KMT2C: variants seen among roughly 807,000 people sequenced by gnomAD.
KMT2C encodes histone-lysine N-methyltransferase 2C.
In KMT2C, 88 loss-of-function variants were observed where a neutral mutation model predicts 507.9. That is an observed-to-expected ratio of 0.17 (90% CI 0.15 to 0.21). The LOEUF (loss-of-function observed/expected upper bound fraction) is 0.21, where lower values mean the gene tolerates loss of function less well. Ranked by LOEUF, KMT2C falls within the 10% of genes least tolerant of loss-of-function variation. The pLI is 1.00. For missense variants in KMT2C, 4,954 were observed against 5,957.8 expected, an observed-to-expected ratio of 0.83 and a Z score of 5.55; for synonymous variants, 2,049 against 2,080.8, an observed-to-expected ratio of 0.98 and a Z score of 0.42.
chr7:152,326,817 C>G (rs2096833046), intron 3 of KMT2C, among the ~76,000 whole-genome samples: 1 of 152,102 alleles, frequency 6.6e-6, no homozygotes, highest in Non-Finnish European at 1.5e-5. Context: ...GGAGGCGGAG[C>G]CTGCAGTGAG....
At position 152,435,904 on chromosome 7, in the gene KMT2C, A is replaced by C; in HGVS notation, c.-118T>G. On this transcript the variant is annotated 5_prime_UTR_variant, in exon 1 of 59. An upstream start codon of the reference 5' UTR is lost. Coordinates refer to ENST00000262189, the MANE Select transcript of KMT2C (RefSeq NM_170606.3). ...CCTCCTCCCCGGCTCAGCCTCTCGC[A>C]TTTCCCGCAGCCCCGGGAGCAGCAG... 1 of 1,144,064 alleles carries C rather than the reference A, an allele frequency of 8.7e-7. No homozygotes were observed. Among genetic ancestry groups the C allele is most frequent in the Non-Finnish European group, 1.2e-6 (1 of 853,562 alleles). 70.9% of individuals were successfully genotyped at this position (1,144,064 alleles called of 1,614,324 possible).
chr7:152,292,455 G>A (rs908543636), intron 6 of KMT2C, among the ~76,000 whole-genome samples: 11 of 152,136 alleles, frequency 7.2e-5, no homozygotes, highest in Non-Finnish European at 1.5e-4. Context: ...TGCAACAGAA[G>A]TCATATATAA....
At chr7:152,364,930 G>GAC (rs771689076) in intron 1 of KMT2C, among the ~76,000 whole-genome samples, 135 of 130,308 alleles carry the variant, frequency 1.0e-3, no homozygotes, top group African/African-American at 3.7e-3. Context: ...ATCTGAAACA[G>GAC]ACAGACACAC....
At chr7:152,215,688 T>TATATATATACACACACACAC (rs766518165) in intron 23 of KMT2C, among the ~76,000 whole-genome samples, 3 of 134,432 alleles carry the variant, frequency 2.2e-5, no homozygotes, top group African/African-American at 1.0e-4. Context: ...TATATATATA[T>TATATATATACACACACACAC]ACACACACAC....
intron 6 of KMT2C, among the ~76,000 whole-genome samples, chr7:152,289,316 A>G (rs1250168886): frequency 1.3e-5 from 2 of 152,242 alleles, no homozygotes; most frequent in Admixed American, 6.5e-5. Context: ...AGTAAAAATA[A>G]TGTAGAGTAT....
intron 1 of KMT2C, among the ~76,000 whole-genome samples, chr7:152,404,227 T>A (rs150480404): frequency 6.7e-4 from 88 of 130,764 alleles, no homozygotes; most frequent in Non-Finnish European, 7.8e-4. Flanking sequence ...GATCTTTTAA[T>A]GAAAAACAAA....
In KMT2C at chr7:152,162,885, A is replaced by C. The variant is rs1421984517; in HGVS notation, c.10692T>G (p.Ala3564=). The change falls in exon 43 of 59, where the codon GCT becomes GCG. Residue 3564 remains alanine, a synonymous_variant. Transcript: ENST00000262189. Reference sequence around the variant, plus strand: ...CTTGGCCACATGGGAGACTGCTATTAGCTACTGGAGGTGCTGCTGGTAAAG... The same window carrying C: ...CTTGGCCACATGGGAGACTGCTATTCGCTACTGGAGGTGCTGCTGGTAAAG... The part of the protein sequence containing the change: ...TPALPAAPPV[A]NSSLPCGQDS... The C allele has an allele frequency of 1.9e-5, 31 of 1,614,074 alleles. No individual in the cohort carries two copies. Among genetic ancestry groups the C allele is most frequent in the African/African-American group, 2.7e-5 (2 of 74,918 alleles).
intron 57 of KMT2C, 35 bp downstream of exon 57, chr7:152,139,151 A>T (rs771687222): frequency 2.5e-6 from 4 of 1,606,456 alleles, no homozygotes; most frequent in Non-Finnish European, 3.4e-6. Context: ...CCCCACAAGC[A>T]AAAGCACTCC....
intron 6 of KMT2C, among the ~76,000 whole-genome samples, chr7:152,301,136 G>A (rs1199104478): frequency 2.0e-5 from 3 of 151,842 alleles, no homozygotes; most frequent in East Asian, 3.9e-4. Context: ...GCCCAGGTGG[G>A]AGAACTGCTT....
intron 6 of KMT2C, among the ~76,000 whole-genome samples, chr7:152,294,901 T>G (rs913405081): frequency 2.0e-5 from 3 of 152,202 alleles, no homozygotes; most frequent in African/African-American, 7.2e-5. Context: ...TCCATCTTCT[T>G]TTCTCTTCTT....
At position 152,324,671 on chromosome 7, in the gene KMT2C, C is replaced by T. The variant is rs959754767; in HGVS notation, c.389+5930G>A. Among the ~76,000 whole-genome samples, 4 of 151,950 alleles carry T rather than the reference C, an allele frequency of 2.6e-5. No homozygotes were observed. The South Asian group carries it at 6.2e-4, about 24-fold the overall frequency. ...ATGACTTCATTTTCTAGAAGAAACCCCACAGACCCATGTAATTTTATGACA... is the reference window on the plus strand; with the variant it reads ...ATGACTTCATTTTCTAGAAGAAACCTCACAGACCCATGTAATTTTATGACA... On this transcript the variant is annotated intron_variant, in intron 3 of 58. Coordinates refer to ENST00000262189, the MANE Select transcript of KMT2C (RefSeq NM_170606.3).
rs745427209 is a variant in KMT2C at position 152,201,617 on chromosome 7, GAAAAAAAA to G, written c.4092+1309_4092+1316del. Among the ~76,000 whole-genome samples the G allele has an allele frequency of 4.5e-3, 104 of 22,910 alleles. 1 individual carries two copies. Among genetic ancestry groups the G allele is most frequent in the African/African-American group, 7.6e-3 (92 of 12,184 alleles). The allele number at this position is 22,910 out of a possible 152,430, so 15.0% of individuals were successfully genotyped here. On this transcript the variant is annotated intron_variant, in intron 26 of 58. Coordinates refer to ENST00000262189, the MANE Select transcript of KMT2C (RefSeq NM_170606.3). ...CCCAGGAGAAAACAACAACAAAGAT[GAAAAAAAA>G]AAAAAAAAAAAAAAAAAAGGTAAGC...
intron 1 of KMT2C, among the ~76,000 whole-genome samples, chr7:152,418,619 A>G (rs571795751): frequency 1.3e-5 from 2 of 151,882 alleles, no homozygotes; most frequent in South Asian, 4.2e-4. Flanking sequence ...TTTAGTACAG[A>G]GGGGGTTTCA....
chr7:152,291,491 CAA>C (rs1344989053), intron 6 of KMT2C, among the ~76,000 whole-genome samples: 1 of 152,284 alleles, frequency 6.6e-6, no homozygotes, highest in Non-Finnish European at 1.5e-5. Context: ...TTGTCCAACT[CAA>C]GTCTTTCTGC....
intron 31 of KMT2C, among the ~76,000 whole-genome samples, chr7:152,188,795 A>C (rs956616325): frequency 6.6e-5 from 10 of 151,906 alleles, no homozygotes; most frequent in African/African-American, 2.4e-4. Context: ...TTTTTAGTGG[A>C]GGTGGGGTTT....
At chr7:152,310,297 T>G (rs1012092248) in intron 5 of KMT2C, among the ~76,000 whole-genome samples, 1 of 152,202 alleles carries the variant, frequency 6.6e-6, no homozygotes, top group African/African-American at 2.4e-5. Context: ...AGAATCTGTC[T>G]GGGTGCAGTG....
At chr7:152,201,504 C>T (rs77230149) in intron 26 of KMT2C, among the ~76,000 whole-genome samples, 1,765 of 150,326 alleles carry the variant, frequency 0.012, 41 homozygotes, top group African/African-American at 0.041. Context: ...ATTTATATTA[C>T]ACTTTACAGA....
chr7:152,183,229 G>A lies in KMT2C; in HGVS notation c.5083-73C>T. 5 of 1,202,886 alleles carry A rather than the reference G, an allele frequency of 4.2e-6. No homozygotes were observed. The South Asian group carries it at 5.2e-5, about 13-fold the overall frequency. 74.5% of individuals were successfully genotyped at this position (1,202,886 alleles called of 1,614,324 possible). A position where few individuals can be genotyped will look rare whatever the true frequency, so the allele number is the denominator to read the frequency against. On this transcript the variant is annotated intron_variant, in intron 34 of 58. Coordinates refer to ENST00000262189, the MANE Select transcript of KMT2C (RefSeq NM_170606.3). ...TTAAGGAATAAAATAAAACTATCATGAACTTTCTCAAATAAAAGAAAAAAA... is the reference window on the plus strand; with the variant it reads ...TTAAGGAATAAAATAAAACTATCATAAACTTTCTCAAATAAAAGAAAAAAA...
chr7:152,151,757 G>C (rs766940365), intron 49 of KMT2C, among the ~76,000 whole-genome samples, 176 bp from the exon 50 acceptor site: 1 of 151,676 alleles, frequency 6.6e-6, no homozygotes, highest in Non-Finnish European at 1.5e-5. Context: ...TCTGACACTA[G>C]GGCAAAAATA....
Sources: allele counts gnomAD v4.1 joint callset (sites outside exome capture counted in the v4.1 genomes callset), GRCh38; gene constraint gnomAD v4.1.1; transcripts MANE v1.5; gene names NCBI Gene and HGNC (gene_info 2026-07-23, HGNC 2026-07-21).